The following CNTNAP2 variants were observed in gnomAD, a reference collection of about 807,000 sequenced individuals.
CNTNAP2 encodes contactin-associated protein-like 2.
Under a neutral mutation model 155.2 loss-of-function variants are expected in CNTNAP2, and 98 were observed. The observed-to-expected ratio is 0.63, with a 90% CI of 0.54 to 0.75. The LOEUF (loss-of-function observed/expected upper bound fraction) is 0.75. CNTNAP2 is among the 30% of genes least tolerant of loss of function. The probability of loss-of-function intolerance (pLI) is 0.00; values close to 1 mark genes in which losing one functional copy is unlikely to be tolerated. For synonymous variants in CNTNAP2, 651 were observed against 631.2 expected, an observed-to-expected ratio of 1.03 and a Z score of -0.47; for missense variants, 1,727 against 1,688.1, an observed-to-expected ratio of 1.02 and a Z score of -0.40.
chr7:146,824,732 C>CT (rs1803366440), intron 2 of CNTNAP2, among the ~76,000 whole-genome samples: 1 of 151,976 alleles, frequency 6.6e-6, no homozygotes, highest in Non-Finnish European at 1.5e-5. Context: ...TTACTTAAAG[C>CT]TCAGACAGGA....
chr7:147,768,770 G>A (rs1472120875), intron 13 of CNTNAP2, among the ~76,000 whole-genome samples: 1 of 152,000 alleles, frequency 6.6e-6, no homozygotes, highest in African/African-American at 2.4e-5. Context: ...ATAAACCAGA[G>A]TCAGTTGTTT....
intron 1 of CNTNAP2, among the ~76,000 whole-genome samples, chr7:146,231,417 C>T (rs1562999314): frequency 6.6e-6 from 1 of 152,122 alleles, no homozygotes; most frequent in Non-Finnish European, 1.5e-5. Flanking sequence ...CTAGTCACCT[C>T]CTCCTTTGTT....
intron 15 of CNTNAP2, among the ~76,000 whole-genome samples, chr7:148,064,946 TA>T (rs1363569159): frequency 1.2e-4 from 19 of 152,026 alleles, no homozygotes; most frequent in Non-Finnish European, 2.7e-4. Flanking sequence ...ACTTTCCTCT[TA>T]GCACCAACTT....
intron 3 of CNTNAP2, among the ~76,000 whole-genome samples, chr7:146,936,467 T>C (rs935086087): frequency 3.3e-5 from 5 of 152,128 alleles, no homozygotes; most frequent in African/African-American, 9.7e-5. Context: ...AATAAGTACA[T>C]TTACGATGGT....
chr7:146,317,332 T>G (rs890631816), intron 1 of CNTNAP2, among the ~76,000 whole-genome samples: 3 of 152,216 alleles, frequency 2.0e-5, no homozygotes, highest in African/African-American at 7.2e-5. Flanking sequence ...GCCTTGTATT[T>G]TTTTGTCCCA....
chr7:146,971,399 C>T (rs1013953859), intron 3 of CNTNAP2, among the ~76,000 whole-genome samples: 1 of 152,128 alleles, frequency 6.6e-6, no homozygotes. Flanking sequence ...TATATTTGTT[C>T]TCAAACACTA....
chr7:146,117,163 G>A (rs893642265), intron 1 of CNTNAP2, 190 bp downstream of exon 1: 1 of 594,142 alleles, frequency 1.7e-6, no homozygotes, highest in African/African-American at 1.8e-5. Context: ...GGAAGAGACA[G>A]GGTTGTGACG....
intron 9 of CNTNAP2, among the ~76,000 whole-genome samples, chr7:147,389,904 C>G (rs536820486): frequency 4.6e-5 from 7 of 152,108 alleles, no homozygotes; most frequent in Non-Finnish European, 1.0e-4. Context: ...TCGTTACATT[C>G]ACTTTATTTC....
At chr7:147,737,598 T>C (rs1166970502) in intron 13 of CNTNAP2, among the ~76,000 whole-genome samples, 1 of 152,230 alleles carries the variant, frequency 6.6e-6, no homozygotes, top group African/African-American at 2.4e-5. Flanking sequence ...TTTGTTCGGC[T>C]ATGCCCTGCC....
At chr7:146,508,030 GA>G (rs1367392770) in intron 1 of CNTNAP2, among the ~76,000 whole-genome samples, 2 of 152,208 alleles carry the variant, frequency 1.3e-5, no homozygotes. Context: ...AGCTGCATGT[GA>G]AGGGGGTGTT....
chr7:147,305,491 C>T (rs1795011631), intron 9 of CNTNAP2, among the ~76,000 whole-genome samples: 1 of 152,190 alleles, frequency 6.6e-6, no homozygotes, highest in African/African-American at 2.4e-5. Context: ...TACGAACTTG[C>T]AGCATCCCAT....
Position 146,461,404 on chromosome 7 carries a change from CAA to C in CNTNAP2, c.98-312856_98-312855del, listed in dbSNP as rs67774821. On this transcript the variant is annotated intron_variant, in intron 1 of 23. Coordinates refer to ENST00000361727, the MANE Select transcript of CNTNAP2 (RefSeq NM_014141.6). The stretch of plus-strand genomic sequence containing the variant: ...TGGGCAAAAGAGCAAGACTCCGTCT[CAA>C]AAAAAAAAAATATAATAATAATAAT... 2.4e-3 allele frequency among the ~76,000 whole-genome samples: 326 copies of C among 135,142 alleles called. 1 individual carries two copies. The highest frequency in any genetic ancestry group is 7.6e-3 in the African/African-American group (274 of 36,204). 88.7% of individuals were successfully genotyped at this position (135,142 alleles called of 152,430 possible).
chr7:147,292,139 G>C (rs1402058822), intron 8 of CNTNAP2, among the ~76,000 whole-genome samples: 3 of 152,084 alleles, frequency 2.0e-5, no homozygotes, highest in African/African-American at 7.2e-5. Flanking sequence ...GGAAACCTCT[G>C]TTAGCCCCCA....
At chr7:147,260,729 G>A (rs1804444020) in intron 8 of CNTNAP2, among the ~76,000 whole-genome samples, 1 of 152,118 alleles carries the variant, frequency 6.6e-6, no homozygotes, top group Admixed American at 6.5e-5. Context: ...CTTGAGTTGT[G>A]GTCTCCTAAT....
intron 1 of CNTNAP2, among the ~76,000 whole-genome samples, chr7:146,136,531 G>A (rs1411387825): frequency 2.0e-5 from 3 of 152,090 alleles, no homozygotes; most frequent in Non-Finnish European, 4.4e-5. Flanking sequence ...GCATTTCAAC[G>A]TTCAGAGGAA....
At chr7:148,231,389 A>T (rs1479860320) in intron 20 of CNTNAP2, among the ~76,000 whole-genome samples, 1 of 152,212 alleles carries the variant, frequency 6.6e-6, no homozygotes, top group Non-Finnish European at 1.5e-5. Flanking sequence ...ATAGAAAAGC[A>T]ATTCAGAAGT....
intron 13 of CNTNAP2, among the ~76,000 whole-genome samples, chr7:147,798,832 A>G (rs774678067): frequency 5.3e-5 from 8 of 152,218 alleles, no homozygotes; most frequent in Non-Finnish European, 1.2e-4. Flanking sequence ...AGGAGAGCAG[A>G]GAATGAACAC....
chr7:147,804,801 A>C (rs544976708), intron 13 of CNTNAP2, among the ~76,000 whole-genome samples: 48 of 152,130 alleles, frequency 3.2e-4, no homozygotes, highest in African/African-American at 9.4e-4. Flanking sequence ...TGATCCACCC[A>C]GCTTATCTTC....
At chr7:147,832,368 A>G (rs989186193) in intron 13 of CNTNAP2, among the ~76,000 whole-genome samples, 1 of 146,568 alleles carries the variant, frequency 6.8e-6, no homozygotes, top group African/African-American at 2.5e-5. Context: ...TATATTTAAT[A>G]TATATTATTT....
Sources: allele counts gnomAD v4.1 joint callset (sites outside exome capture counted in the v4.1 genomes callset), GRCh38; gene constraint gnomAD v4.1.1; transcripts MANE v1.5; gene names NCBI Gene and HGNC (gene_info 2026-07-23, HGNC 2026-07-21).